MYO10: variants seen among roughly 807,000 people sequenced by gnomAD.
The protein encoded by MYO10 is unconventional myosin-X.
Under a neutral mutation model 257.3 loss-of-function variants are expected in MYO10, and 133 were observed. The ratio of observed to expected loss-of-function variants is 0.52; its 90% confidence interval spans 0.45 to 0.60. The LOEUF is 0.60. MYO10 is among the 20% of genes least tolerant of loss of function. The pLI is 0.00. For synonymous variants in MYO10, 1,104 were observed against 1,028.6 expected (o/e 1.07, Z -1.40); for missense variants, 2,399 against 2,635.7 (o/e 0.91, Z 1.97).
At chr5:16,703,188 C>T in intron 22 of MYO10, 30 bp from the exon 23 acceptor site, 1 of 1,526,640 alleles carries the variant, frequency 6.6e-7, no homozygotes, top group South Asian at 1.2e-5. Flanking sequence ...AGAGAATCGG[C>T]ATTGAAGTAA....
chr5:16,933,272 C>T (rs987452493), intron 1 of MYO10, among the ~76,000 whole-genome samples: 4 of 152,180 alleles, frequency 2.6e-5, no homozygotes, highest in Non-Finnish European at 4.4e-5. Context: ...TCCAGGGATG[C>T]GTTTAACCTC....
chr5:16,926,324 T>C lies in MYO10; in HGVS notation c.21+9464A>G, dbSNP rs151137274. Among the ~76,000 whole-genome samples, 263 of 152,312 alleles carry C rather than the reference T, an allele frequency of 1.7e-3. 1 individual carries two copies. Among genetic ancestry groups the C allele is most frequent in the African/African-American group, 6.0e-3 (251 of 41,566 alleles). On this transcript the variant is annotated intron_variant, in intron 1 of 40. Coordinates refer to ENST00000513610, the MANE Select transcript of MYO10 (RefSeq NM_012334.3). ...AATCTCATTCTTTTTTTAATCTAAA[T>C]AGTGCTGTATGAATTTCGCTGACAA...
At chr5:16,924,844 T>TTA (rs1746086755) in intron 1 of MYO10, among the ~76,000 whole-genome samples, 1 of 150,196 alleles carries the variant, frequency 6.7e-6, no homozygotes, top group African/African-American at 2.5e-5. Context: ...TTTTTTTTTT[T>TTA]TTTTGAGACA....
chr5:16,719,913 G>A (rs989784006), intron 19 of MYO10, among the ~76,000 whole-genome samples: 4 of 152,122 alleles, frequency 2.6e-5, no homozygotes, highest in African/African-American at 9.7e-5. Context: ...GTAGTGGGCC[G>A]AGATTGTACC....
At chr5:16,934,625 C>A (rs550765555) in intron 1 of MYO10, among the ~76,000 whole-genome samples, 1 of 152,164 alleles carries the variant, frequency 6.6e-6, no homozygotes, top group Non-Finnish European at 1.5e-5. Flanking sequence ...TGGATAATTC[C>A]TTTCTAGTCT....
At chr5:16,738,592 C>A (rs1218505168) in intron 19 of MYO10, among the ~76,000 whole-genome samples, 1 of 151,556 alleles carries the variant, frequency 6.6e-6, no homozygotes, top group East Asian at 1.9e-4. Context: ...GTTAAAAAAA[C>A]AACAACAACA....
rs774986838 is a variant in MYO10 at position 16,681,292 on chromosome 5, G to GCA, written c.4384+15_4384+16dup. 9.4e-6 allele frequency: 15 copies of GCA among 1,598,584 alleles called. No individual in the cohort carries two copies. The South Asian group carries it at 1.7e-4, about 18-fold the overall frequency. On this transcript the variant is annotated intron_variant, in intron 32 of 40. Transcript: ENST00000513610. ...TTAAGATTTGATGCTCAGGGTTCGG[G>GCA]CAGCCAGCCTGGTTACCTGTCTCTT...
At chr5:16,923,847 T>C (rs1287675743) in intron 1 of MYO10, among the ~76,000 whole-genome samples, 1 of 152,100 alleles carries the variant, frequency 6.6e-6, no homozygotes, top group Non-Finnish European at 1.5e-5. Context: ...CCCAGCACTT[T>C]AGGAGGCCAA....
At chr5:16,808,292 A>G (rs1485029809) in intron 3 of MYO10, among the ~76,000 whole-genome samples, 2 of 152,068 alleles carry the variant, frequency 1.3e-5, no homozygotes, top group African/African-American at 2.4e-5. Flanking sequence ...ACAAGCCTCC[A>G]TCTCTACAAA....
chr5:16,904,326 G>GT (rs895529299), intron 1 of MYO10, among the ~76,000 whole-genome samples: 2 of 152,126 alleles, frequency 1.3e-5, no homozygotes, highest in Non-Finnish European at 2.9e-5. Flanking sequence ...GCCAGTAAAC[G>GT]TAAGCCAGTG....
chr5:16,698,622 A>AG (rs1737872507), intron 26 of MYO10, among the ~76,000 whole-genome samples: 2 of 91,780 alleles, frequency 2.2e-5, no homozygotes, highest in Non-Finnish European at 4.3e-5. Context: ...GAGAACATGC[A>AG]GTTTTTTTTT....
intron 1 of MYO10, among the ~76,000 whole-genome samples, 169 bp downstream of exon 1, chr5:16,935,619 G>T (rs768555300): frequency 5.3e-5 from 8 of 152,084 alleles, no homozygotes; most frequent in Non-Finnish European, 8.8e-5. Flanking sequence ...AAACCTGCCC[G>T]GGCTTACTCA....
At chr5:16,689,713 T>C (rs916707723) in intron 28 of MYO10, 111 bp downstream of exon 28, 3 of 819,506 alleles carry the variant, frequency 3.7e-6, no homozygotes, top group African/African-American at 3.5e-5. Context: ...TCAAAAAAAG[T>C]CAATTAAAAT....
intron 9 of MYO10, among the ~76,000 whole-genome samples, chr5:16,777,838 A>AATTT (rs1553995171): frequency 2.1e-5 from 2 of 94,958 alleles, no homozygotes; most frequent in South Asian, 3.2e-4. Context: ...ATTGCATCTA[A>AATTT]CTTTTTTTTT....
chr5:16,681,847 C>T (rs779404406), intron 31 of MYO10, 24 bp downstream of exon 31: 32 of 1,610,594 alleles, frequency 2.0e-5, no homozygotes, highest in Non-Finnish European at 2.5e-5. Context: ...TTAAGCAGAC[C>T]GAGGAAGCAG....
chr5:16,752,561 C>T (rs1052467271), intron 19 of MYO10, among the ~76,000 whole-genome samples: 1 of 152,234 alleles, frequency 6.6e-6, no homozygotes, highest in Admixed American at 6.5e-5. Flanking sequence ...GCTGGGATTA[C>T]AGGCGTGAGC....
At chr5:16,822,261 G>C (rs1320142455) in intron 2 of MYO10, among the ~76,000 whole-genome samples, 3 of 139,672 alleles carry the variant, frequency 2.1e-5, no homozygotes, top group African/African-American at 9.1e-5. Flanking sequence ...TAAAATAAAA[G>C]TTGGAAAAAA....
intron 3 of MYO10, among the ~76,000 whole-genome samples, chr5:16,804,337 AC>A (rs1009602477): frequency 6.6e-6 from 1 of 152,092 alleles, no homozygotes; most frequent in Non-Finnish European, 1.5e-5. Flanking sequence ...CGGGGTCTTT[AC>A]CCCCTTAATC....
At chr5:16,711,305 A>T in intron 19 of MYO10, 60 bp from the exon 20 acceptor site, 1 of 1,536,762 alleles carries the variant, frequency 6.5e-7, no homozygotes, top group Non-Finnish European at 8.8e-7. Flanking sequence ...TCGATAAGGG[A>T]GGCTTAATAA....
Sources: gnomAD v4.1 joint callset for allele counts (sites outside exome capture counted in the v4.1 genomes callset) on GRCh38, gnomAD v4.1.1 for gene constraint, MANE v1.5 for transcripts, NCBI Gene and HGNC (gene_info 2026-07-23, HGNC 2026-07-21) for gene names.